Variants in POLR1A observed in about 807,000 individuals in gnomAD.
POLR1A encodes the protein DNA-directed RNA polymerase I subunit RPA1.
POLR1A carries 84 observed loss-of-function variants against 205.3 expected under a neutral mutation model. That is an observed-to-expected ratio of 0.41 (90% CI 0.34 to 0.49). The LOEUF (loss-of-function observed/expected upper bound fraction) is 0.49. Among genes scored for constraint, POLR1A ranks in the 20% least tolerant of loss-of-function variants. The pLI is 0.22. For synonymous variants in POLR1A, 799 were observed against 863.7 expected, an observed-to-expected ratio of 0.93 and a Z score of 1.31; for missense variants, 1,645 against 2,204.5, an observed-to-expected ratio of 0.75 and a Z score of 5.08.
Position 86,031,487 on chromosome 2 carries a change from G to A in POLR1A, c.4421C>T (p.Pro1474Leu), listed in dbSNP as rs756516619. ...EEVGLGTEEDPSLPALLTQPR... is the reference protein window; with the variant it reads ...EEVGLGTEEDLSLPALLTQPR... ...CTGCGTCAGGAGGGCGGGAAGGGAC[G>A]GGTCCTCCTCAGTGCCTAAGCCCAC... Residue 1474 changes from proline to leucine, a missense_variant, in exon 30 of 34, where the codon CCG becomes CTG. Pro to Leu is a moderately conservative substitution (Grantham distance 98, BLOSUM62 -3). Coordinates refer to ENST00000263857, the MANE Select transcript of POLR1A (RefSeq NM_015425.6). 7.4e-6 allele frequency: 12 copies of A among 1,613,948 alleles called. No homozygotes were observed. In the Admixed American group the frequency reaches 8.3e-5, roughly 11 times the overall value.
chr2:86,029,860 A>G (rs1343001973), intron 31 of POLR1A, among the ~76,000 whole-genome samples: 1 of 152,022 alleles, frequency 6.6e-6, no homozygotes, highest in Non-Finnish European at 1.5e-5. Flanking sequence ...TTGGCCTCCC[A>G]AAGTGCTGGG....
At chr2:86,096,196 CA>C (rs1266151447) in intron 3 of POLR1A, among the ~76,000 whole-genome samples, 4 of 151,582 alleles carry the variant, frequency 2.6e-5, no homozygotes, top group Admixed American at 6.6e-5. Context: ...TAATAGCTAC[CA>C]AAAAAATACC....
In POLR1A at chr2:86,029,130, T is replaced by C. The variant is rs1672329519; in HGVS notation, c.4780-419A>G. Among the ~76,000 whole-genome samples, 3 of 152,230 alleles carry C rather than the reference T, an allele frequency of 2.0e-5. No homozygotes were observed. The South Asian group carries it at 6.2e-4, about 31-fold the overall frequency. ...GGGGCCAGTCAGCCGCACAGGCATG[T>C]GCTGGGCCTTACCAAGGGGCCAAGG... On this transcript the variant is annotated intron_variant, in intron 31 of 33. Coordinates refer to ENST00000263857, the MANE Select transcript of POLR1A (RefSeq NM_015425.6).
chr2:86,052,542 C>T (rs1233675723), intron 16 of POLR1A, among the ~76,000 whole-genome samples: 1 of 152,160 alleles, frequency 6.6e-6, no homozygotes, highest in African/African-American at 2.4e-5. Flanking sequence ...CGAGAGGACA[C>T]AGAAAAGAAT....
chr2:86,105,608 G>A (rs1429231834), intron 1 of POLR1A, 92 bp downstream of exon 1: 3 of 816,634 alleles, frequency 3.7e-6, no homozygotes, highest in Non-Finnish European at 6.3e-6. Context: ...GGACTCAAGA[G>A]GATAGACTGG....
chr2:86,040,653 G>A lies in POLR1A; in HGVS notation c.3573-94C>T, dbSNP rs912872145. 6 of 1,002,130 alleles carry A rather than the reference G, an allele frequency of 6.0e-6. No individual in the cohort carries two copies. The African/African-American group carries it at 6.5e-5, about 11-fold the overall frequency. 62.1% of individuals were successfully genotyped at this position (1,002,130 alleles called of 1,614,324 possible). A position where few individuals can be genotyped will look rare whatever the true frequency, so the allele number is the denominator to read the frequency against. ...CAATGCTGCCCGAAACCAGAAAACT[G>A]AAACCTCTACCTCTTTCTGGACTCG... On this transcript the variant is annotated intron_variant, in intron 24 of 33. Coordinates refer to ENST00000263857, the MANE Select transcript of POLR1A (RefSeq NM_015425.6).
At chr2:86,103,231 G>C (rs961727199) in intron 1 of POLR1A, among the ~76,000 whole-genome samples, 1 of 152,186 alleles carries the variant, frequency 6.6e-6, no homozygotes, top group Non-Finnish European at 1.5e-5. Flanking sequence ...GGCTGAAGGA[G>C]TTGAGGGAGC....
chr2:86,055,502 G>A (rs927751310), intron 14 of POLR1A, among the ~76,000 whole-genome samples: 1 of 152,234 alleles, frequency 6.6e-6, no homozygotes, highest in Admixed American at 6.5e-5. Flanking sequence ...ACTGTGCGGT[G>A]AGTGGGGTGA....
chr2:86,094,686 T>C (rs770115781), intron 3 of POLR1A, among the ~76,000 whole-genome samples: 5 of 152,066 alleles, frequency 3.3e-5, no homozygotes, highest in African/African-American at 4.8e-5. Flanking sequence ...ATTAATTCTG[T>C]CTTCTCTCTT....
intron 21 of POLR1A, 76 bp from the exon 22 acceptor site, chr2:86,044,380 AGTG>A: frequency 6.6e-7 from 1 of 1,509,666 alleles, no homozygotes; most frequent in South Asian, 1.1e-5. Context: ...GGTTGGGGGC[AGTG>A]GAGGGGAGGG....
intron 27 of POLR1A, among the ~76,000 whole-genome samples, chr2:86,035,289 A>T (rs1672475074): frequency 6.6e-6 from 1 of 152,264 alleles, no homozygotes; most frequent in Non-Finnish European, 1.5e-5. Flanking sequence ...GGACAGGAAC[A>T]GGATAGCCAG....
chr2:86,041,849 A>AT, intron 24 of POLR1A, 40 bp downstream of exon 24: 1 of 1,550,440 alleles, frequency 6.4e-7, no homozygotes, highest in Non-Finnish European at 8.9e-7. Flanking sequence ...TAGGAGGCAG[A>AT]TTCTCCTGCA....
In POLR1A at chr2:86,042,044, C is replaced by T. The variant is rs543854841; in HGVS notation, c.3417G>A (p.Ala1139=). 3.5e-5 allele frequency: 57 copies of T among 1,613,766 alleles called. 1 individual carries two copies. The South Asian group carries it at 4.2e-4, about 12-fold the overall frequency. Residue 1139 remains alanine (A), a synonymous_variant, in exon 24 of 34, where the codon GCG becomes GCA. Transcript: ENST00000263857. The part of the protein sequence containing the change: ...EESRRKYQKK[A]AACPDPSLSV... ...ACAGACTGGGGTCAGGACAAGCGGC[C>T]GCCTTCTTCTGGTATTTCCTTCGGC...
chr2:86,102,794 A>G (rs576002906), intron 1 of POLR1A, among the ~76,000 whole-genome samples: 1 of 152,232 alleles, frequency 6.6e-6, no homozygotes, highest in African/African-American at 2.4e-5. Flanking sequence ...CAGTCAGTAG[A>G]GTTTGAGATC....
chr2:86,072,712 C>G (rs960300191), intron 12 of POLR1A, among the ~76,000 whole-genome samples: 1 of 152,246 alleles, frequency 6.6e-6, no homozygotes, highest in Non-Finnish European at 1.5e-5. Flanking sequence ...CTTGGCTCTC[C>G]GGGCCATTTC....
chr2:86,099,912 G>A (rs983454705), intron 2 of POLR1A, 56 bp downstream of exon 2: 8 of 1,401,276 alleles, frequency 5.7e-6, no homozygotes, highest in African/African-American at 1.4e-5. Flanking sequence ...GAGAGAGGCA[G>A]CACTCACAAA....
chr2:86,028,009 A>G lies in POLR1A; in HGVS notation c.4938T>C (p.Asp1646=), dbSNP rs1672303402. 1.2e-6 allele frequency: 2 copies of G among 1,614,090 alleles called. No homozygotes were observed. Among genetic ancestry groups the G allele is most frequent in the Non-Finnish European group, 1.7e-6 (2 of 1,180,046 alleles). The part of the protein sequence containing the change: ...VDPRHLSLVA[D]YMCFEGVYKP... ...TGTAAACACCCTCGAAGCACATATA[A>G]TCAGCAACCAGGGAGAGATGGCGAG... The change falls in exon 33 of 34, where the codon GAT becomes GAC. Residue 1646 remains aspartate (D), a synonymous_variant. Coordinates refer to ENST00000263857, the MANE Select transcript of POLR1A (RefSeq NM_015425.6). The surrounding 1 kb of genome is among the most constrained non-coding windows in gnomAD (Gnocchi z 4.5).
rs761763140 is a variant in POLR1A at position 86,077,823 on chromosome 2, A to G, written c.1380+36T>C. 986 of 138,624 alleles carry G rather than the reference A, an allele frequency of 7.1e-3. 20 individuals are homozygous for G. Among genetic ancestry groups the G allele is most frequent in the African/African-American group, 0.027 (715 of 26,670 alleles). The allele number at this position is 138,624 out of a possible 1,614,324, so 8.6% of individuals were successfully genotyped here. A position where few individuals can be genotyped will look rare whatever the true frequency, so the allele number is the denominator to read the frequency against. On this transcript the variant is annotated intron_variant, in intron 11 of 33. Coordinates refer to ENST00000263857, the MANE Select transcript of POLR1A (RefSeq NM_015425.6). Reference sequence around the variant, plus strand: ...TGCACGCGCGCGCGCACACACACACACACACACACACACACACACACACAC... The same window carrying G: ...TGCACGCGCGCGCGCACACACACACGCACACACACACACACACACACACAC...
At chr2:86,047,870 G>A (rs1471190750) in intron 18 of POLR1A, among the ~76,000 whole-genome samples, 1 of 152,168 alleles carries the variant, frequency 6.6e-6, no homozygotes, top group African/African-American at 2.4e-5. Context: ...CAACACAGGA[G>A]AGGCAGAGCC....
Sources: gnomAD v4.1 joint callset for allele counts (sites outside exome capture counted in the v4.1 genomes callset) on GRCh38, gnomAD v4.1.1 for gene constraint, Gnocchi (gnomAD v3.1) non-coding constraint, MANE v1.5 for transcripts, NCBI Gene and HGNC (gene_info 2026-07-23, HGNC 2026-07-21) for gene names.